Variants in PTPRD observed in about 807,000 individuals in gnomAD.
The protein encoded by PTPRD is receptor-type tyrosine-protein phosphatase delta.
Under a neutral mutation model 214.5 loss-of-function variants are expected in PTPRD, and 34 were observed. The ratio of observed to expected loss-of-function variants is 0.16; its 90% confidence interval spans 0.12 to 0.21. PTPRD has a LOEUF of 0.21. Among genes scored for constraint, PTPRD ranks in the 10% least tolerant of loss-of-function variants. The pLI is 1.00. For missense variants in PTPRD, 2,545 were observed against 2,398.7 expected, an observed-to-expected ratio of 1.06 and a Z score of -1.27; for synonymous variants, 1,128 against 845.7, an observed-to-expected ratio of 1.33 and a Z score of -5.79.
chr9:9,200,255 T>C (rs527920164), intron 9 of PTPRD, among the ~76,000 whole-genome samples: 2 of 152,300 alleles, frequency 1.3e-5, no homozygotes, highest in African/African-American at 4.8e-5. Flanking sequence ...TATCCTACAA[T>C]GAGAGTCTTT....
At chr9:9,150,791 G>A (rs2099876123) in intron 10 of PTPRD, among the ~76,000 whole-genome samples, 2 of 152,114 alleles carry the variant, frequency 1.3e-5, no homozygotes, top group Non-Finnish European at 2.9e-5. Flanking sequence ...ATTTTTATAT[G>A]AAAACAAACA....
rs542694484 is a variant in PTPRD, at chr9:8,517,737, T to C, written c.1543+111A>G. On this transcript the variant is annotated intron_variant, in intron 21 of 45. Coordinates refer to ENST00000381196, the MANE Select transcript of PTPRD (RefSeq NM_002839.4). ...TCATCTGTTGCTTTGAAGCCCTAAA[T>C]CTCAAAAATTAAAATTCATACCATC... 1.8e-5 allele frequency: 16 copies of C among 909,524 alleles called. 1 individual carries two copies. In the East Asian group the frequency reaches 3.4e-4, roughly 19 times the overall value. The allele number at this position is 909,524 out of a possible 1,614,324, so 56.3% of individuals were successfully genotyped here.
intron 11 of PTPRD, among the ~76,000 whole-genome samples, chr9:9,013,132 G>A (rs2099518726): frequency 6.6e-6 from 1 of 152,042 alleles, no homozygotes; most frequent in African/African-American, 2.4e-5. Context: ...ATTCTTGCTA[G>A]CTCTTATTTT....
At chr9:10,279,219 T>G (rs1022877050) in intron 3 of PTPRD, among the ~76,000 whole-genome samples, 11 of 151,692 alleles carry the variant, frequency 7.3e-5, no homozygotes, top group Admixed American at 2.0e-4. Flanking sequence ...TTCAAGGGCA[T>G]ATGATCATCC....
intron 2 of PTPRD, among the ~76,000 whole-genome samples, chr9:10,473,484 A>G (rs2099044045): frequency 6.6e-6 from 1 of 152,100 alleles, no homozygotes; most frequent in Admixed American, 6.6e-5. Context: ...AACTATAAAA[A>G]CTAATGAACA....
At chr9:9,470,026 G>T (rs10977797) in intron 8 of PTPRD, among the ~76,000 whole-genome samples, 1 of 152,086 alleles carries the variant, frequency 6.6e-6, no homozygotes, top group Admixed American at 6.5e-5. Flanking sequence ...ACTCCCAGAG[G>T]ACAGAAATGG....
intron 10 of PTPRD, among the ~76,000 whole-genome samples, chr9:9,121,454 G>A (rs1464359077): frequency 6.6e-6 from 1 of 150,570 alleles, no homozygotes; most frequent in Non-Finnish European, 1.5e-5. Context: ...AGAAACTTTG[G>A]TATATATATA....
intron 14 of PTPRD, among the ~76,000 whole-genome samples, chr9:8,584,079 G>C (rs1259189817): frequency 6.6e-6 from 1 of 152,122 alleles, no homozygotes; most frequent in Admixed American, 6.6e-5. Context: ...ACCTGAGCCT[G>C]GTAGTTCGAG....
intron 3 of PTPRD, among the ~76,000 whole-genome samples, chr9:10,039,026 T>C (rs996357831): frequency 1.3e-5 from 2 of 152,050 alleles, no homozygotes; most frequent in Non-Finnish European, 2.9e-5. Flanking sequence ...ATGAAAAAAG[T>C]TACCCTAAAT....
chr9:10,018,080 C>A (rs4295713), intron 4 of PTPRD, among the ~76,000 whole-genome samples: 25,300 of 151,778 alleles, frequency 0.17, 2,620 homozygotes, highest in South Asian at 0.28. Flanking sequence ...TTAGTAATTT[C>A]ATTACTAGAT....
intron 11 of PTPRD, among the ~76,000 whole-genome samples, chr9:9,010,280 T>C (rs750788320): frequency 1.3e-5 from 2 of 152,208 alleles, no homozygotes; most frequent in Non-Finnish European, 2.9e-5. Flanking sequence ...AATCAGACTA[T>C]GAACAAAAGT....
chr9:10,140,306 C>A (rs894849579), intron 3 of PTPRD, among the ~76,000 whole-genome samples: 1 of 148,792 alleles, frequency 6.7e-6, no homozygotes, highest in Non-Finnish European at 1.5e-5. Context: ...AGAAGACATA[C>A]AAGCAGAAAA....
intron 12 of PTPRD, among the ~76,000 whole-genome samples, chr9:8,680,146 A>G (rs1215375715): frequency 6.6e-6 from 1 of 152,046 alleles, no homozygotes; most frequent in Non-Finnish European, 1.5e-5. Context: ...TATCTATTTA[A>G]AATCTATTTA....
intron 11 of PTPRD, among the ~76,000 whole-genome samples, chr9:8,998,017 G>T (rs966684264): frequency 1.1e-4 from 17 of 151,982 alleles, no homozygotes; most frequent in African/African-American, 3.9e-4. Flanking sequence ...AGAAAAGTTG[G>T]AATCTAGCAG....
chr9:9,411,041 TTGTG>T (rs113443297), intron 8 of PTPRD, among the ~76,000 whole-genome samples: 10,308 of 151,902 alleles, frequency 0.068, 414 homozygotes, highest in Middle Eastern at 0.13. Context: ...CAAAACCTCT[TTGTG>T]TGTGTGTATG....
At chr9:10,386,548 A>C (rs762282186) in intron 2 of PTPRD, among the ~76,000 whole-genome samples, 7 of 151,870 alleles carry the variant, frequency 4.6e-5, no homozygotes, top group Non-Finnish European at 8.8e-5. Flanking sequence ...AATGGAGGGA[A>C]AGACACTTTT....
intron 4 of PTPRD, among the ~76,000 whole-genome samples, chr9:10,014,611 A>G (rs902457196): frequency 2.7e-5 from 4 of 150,082 alleles, no homozygotes; most frequent in Admixed American, 2.6e-4. Flanking sequence ...TTGAAAAGAC[A>G]CAGCCTCAAC....
At chr9:10,539,880 G>A (rs745867549) in intron 2 of PTPRD, among the ~76,000 whole-genome samples, 3 of 152,110 alleles carry the variant, frequency 2.0e-5, no homozygotes, top group Middle Eastern at 3.2e-3. Context: ...TAGGTGAGGG[G>A]CCCATCTTGC....
At chr9:10,598,623 C>A (rs2077146371) in intron 2 of PTPRD, among the ~76,000 whole-genome samples, 1 of 150,238 alleles carries the variant, frequency 6.7e-6, no homozygotes, top group Non-Finnish European at 1.5e-5. Context: ...ATTATGGAGC[C>A]TCTTCTTCCT....
Sources: allele counts gnomAD v4.1 joint callset (sites outside exome capture counted in the v4.1 genomes callset), GRCh38; gene constraint gnomAD v4.1.1; transcripts MANE v1.5; gene names NCBI Gene and HGNC (gene_info 2026-07-23, HGNC 2026-07-21).